TPD52L1: variants seen among roughly 807,000 people sequenced by gnomAD.
TPD52L1 encodes the protein tumor protein D53.
Under a neutral mutation model 28.7 loss-of-function variants are expected in TPD52L1, and 18 were observed. That is an observed-to-expected ratio of 0.63 (90% CI 0.43 to 0.93). TPD52L1 has a LOEUF of 0.93. Ranked by LOEUF, TPD52L1 falls within the 40% of genes least tolerant of loss-of-function variation. The pLI is 0.00. For synonymous variants in TPD52L1, 75 were observed against 88.8 expected (o/e 0.84, Z 0.88); for missense variants, 203 against 254.8 (o/e 0.80, Z 1.39).
At chr6:125,216,048 G>A (rs1794848777) in intron 1 of TPD52L1, among the ~76,000 whole-genome samples, 1 of 152,142 alleles carries the variant, frequency 6.6e-6, no homozygotes, top group African/African-American at 2.4e-5. Context: ...GTGGGGTGGA[G>A]CTTACTTTCT....
At chr6:125,241,739 T>C (rs1180980413) in intron 3 of TPD52L1, among the ~76,000 whole-genome samples, 3 of 152,108 alleles carry the variant, frequency 2.0e-5, no homozygotes, top group Non-Finnish European at 1.5e-5. Flanking sequence ...TTGCTAATGG[T>C]CTATCAATTT....
rs1040532080 is a variant in TPD52L1 at position 125,203,692 on chromosome 6, G to A, written c.20-16386G>A. ...CTCAGGTCAGGAATAAAAGCTTAGG[G>A]CTGAGCAGCTCACTCTTTGGTTGAG... is the stretch of plus-strand genomic sequence containing the variant. On this transcript the variant is annotated intron_variant, in intron 1 of 6. Coordinates refer to ENST00000534000, the MANE Select transcript of TPD52L1 (RefSeq NM_003287.4). 4 of 985,312 alleles carry A rather than the reference G, an allele frequency of 4.1e-6. No individual in the cohort carries two copies. The African/African-American group carries it at 5.2e-5, about 13-fold the overall frequency. The allele number at this position is 985,312 out of a possible 1,614,324, so 61.0% of individuals were successfully genotyped here.
At chr6:125,166,205 T>A (rs1383813550) in intron 1 of TPD52L1, among the ~76,000 whole-genome samples, 3 of 152,210 alleles carry the variant, frequency 2.0e-5, no homozygotes, top group African/African-American at 7.2e-5. Flanking sequence ...TCTCTTCAGA[T>A]CTCTCAGTTT....
intron 1 of TPD52L1, among the ~76,000 whole-genome samples, chr6:125,178,624 A>G (rs1239240244): frequency 6.9e-6 from 1 of 144,580 alleles, no homozygotes; most frequent in Non-Finnish European, 1.5e-5. Flanking sequence ...CCATCTAAAA[A>G]CAAAACAAAA....
intron 1 of TPD52L1, among the ~76,000 whole-genome samples, chr6:125,205,106 C>G (rs1402526485): frequency 6.6e-6 from 1 of 152,124 alleles, no homozygotes; most frequent in African/African-American, 2.4e-5. Context: ...GGTATTTGGT[C>G]TACTAGTCAA....
intron 6 of TPD52L1, among the ~76,000 whole-genome samples, chr6:125,258,490 G>A (rs1344088352): frequency 6.6e-6 from 1 of 152,112 alleles, no homozygotes; most frequent in East Asian, 1.9e-4. Context: ...TAAACATTTG[G>A]TTTTCAGCCT....
At chr6:125,228,673 T>C (rs993258759) in intron 2 of TPD52L1, among the ~76,000 whole-genome samples, 4 of 152,170 alleles carry the variant, frequency 2.6e-5, no homozygotes, top group African/African-American at 9.7e-5. Flanking sequence ...AGACCCTGTC[T>C]CTTTAAAATA....
intron 1 of TPD52L1, among the ~76,000 whole-genome samples, chr6:125,176,168 G>T (rs1471621143): frequency 6.6e-6 from 1 of 152,002 alleles, no homozygotes; most frequent in African/African-American, 2.4e-5. Flanking sequence ...CTCATTTATA[G>T]AAATAAAAAT....
chr6:125,198,477 G>A (rs947779798), intron 1 of TPD52L1, among the ~76,000 whole-genome samples: 5 of 152,034 alleles, frequency 3.3e-5, no homozygotes, highest in East Asian at 1.9e-4. Flanking sequence ...TTACAAACAC[G>A]TGACCACAAA....
rs1299832873 is a variant in TPD52L1 at position 125,162,675 on chromosome 6, C to A, written c.19+8705C>A. 3.3e-5 allele frequency among the ~76,000 whole-genome samples: 5 copies of A among 152,244 alleles called. No homozygotes were observed. The East Asian group carries it at 9.7e-4, about 29-fold the overall frequency. On this transcript the variant is annotated intron_variant, in intron 1 of 6. Transcript: ENST00000534000. Reference sequence around the variant, plus strand: ...TTAATATGACCATGAACAAGTTATTCATTTCACTCAATCTTGGTTTCTACA... The same window carrying A: ...TTAATATGACCATGAACAAGTTATTAATTTCACTCAATCTTGGTTTCTACA...
At chr6:125,258,045 G>C (rs937353079) in intron 6 of TPD52L1, among the ~76,000 whole-genome samples, 2 of 152,142 alleles carry the variant, frequency 1.3e-5, no homozygotes, top group Non-Finnish European at 2.9e-5. Context: ...TCTGAATCCT[G>C]TATCTTCACG....
chr6:125,178,446 C>T (rs1562227276), intron 1 of TPD52L1, among the ~76,000 whole-genome samples: 2 of 152,056 alleles, frequency 1.3e-5, no homozygotes, highest in South Asian at 4.2e-4. Context: ...TATGGTGAAA[C>T]CTTGTCTCTA....
chr6:125,224,161 A>G (rs1236985643), intron 2 of TPD52L1, among the ~76,000 whole-genome samples: 1 of 151,816 alleles, frequency 6.6e-6, no homozygotes, highest in African/African-American at 2.4e-5. Flanking sequence ...TTTTATGTTT[A>G]GTATTTCATA....
intron 1 of TPD52L1, among the ~76,000 whole-genome samples, chr6:125,204,665 G>A (rs924204173): frequency 1.3e-5 from 2 of 152,038 alleles, no homozygotes; most frequent in African/African-American, 4.8e-5. Context: ...ATTTTTAATA[G>A]AGACGGGGTT....
At chr6:125,261,130 T>C (rs956377340) in intron 6 of TPD52L1, 5 of 152,152 alleles carry the variant, frequency 3.3e-5, no homozygotes, top group Admixed American at 3.3e-4. Flanking sequence ...AGAACTGATT[T>C]GAGTATCTGT....
At chr6:125,161,202 C>T (rs1478824084) in intron 1 of TPD52L1, among the ~76,000 whole-genome samples, 1 of 152,156 alleles carries the variant, frequency 6.6e-6, no homozygotes, top group African/African-American at 2.4e-5. Context: ...TGCTAGCTTC[C>T]AACTTTTGTT....
Position 125,205,365 on chromosome 6 carries a change from AG to A in TPD52L1, c.20-14712del, listed in dbSNP as rs147470710. ...GTTAGCCCAGTGAAATGATGTCCCA[AG>A]CCAGCCACTCCCACGCTTCTGAGCA... On this transcript the variant is annotated intron_variant, in intron 1 of 6. Transcript: ENST00000534000. 8.5e-3 allele frequency among the ~76,000 whole-genome samples: 1,300 copies of A among 152,318 alleles called. 24 individuals carry two copies. The highest frequency in any genetic ancestry group is 0.03 in the African/African-American group (1,241 of 41,572).
At chr6:125,183,843 A>G (rs909907592) in intron 1 of TPD52L1, among the ~76,000 whole-genome samples, 2 of 152,230 alleles carry the variant, frequency 1.3e-5, no homozygotes, top group Non-Finnish European at 2.9e-5. Flanking sequence ...GGATTATGAT[A>G]GTGATTGGGA....
At chr6:125,237,748 A>G (rs1450475528) in intron 3 of TPD52L1, among the ~76,000 whole-genome samples, 1 of 149,034 alleles carries the variant, frequency 6.7e-6, no homozygotes, top group Non-Finnish European at 1.5e-5. Flanking sequence ...GGTTCAAGCA[A>G]TTCTCCTGCC....
Sources: allele counts gnomAD v4.1 joint callset (sites outside exome capture counted in the v4.1 genomes callset), GRCh38; gene constraint gnomAD v4.1.1; transcripts MANE v1.5; gene names NCBI Gene and HGNC (gene_info 2026-07-23, HGNC 2026-07-21).